Variants in ZNF804B observed in about 807,000 individuals in gnomAD.
The protein encoded by ZNF804B is zinc finger 804B.
In ZNF804B, 80 loss-of-function variants were observed where a neutral mutation model predicts 101.4. That is an observed-to-expected ratio of 0.79 (90% CI 0.66 to 0.95). ZNF804B has a LOEUF of 0.95. Among genes scored for constraint, ZNF804B ranks in the 40% least tolerant of loss-of-function variants. The pLI, the probability that ZNF804B is intolerant of heterozygous loss-of-function variation, is 0.00. For synonymous variants in ZNF804B, 622 were observed against 558.8 expected, an observed-to-expected ratio of 1.11 and a Z score of -1.59; for missense variants, 1,673 against 1,561.9, an observed-to-expected ratio of 1.07 and a Z score of -1.20.
chr7:89,168,914 G>A (rs1791184999), intron 1 of ZNF804B, among the ~76,000 whole-genome samples: 1 of 152,066 alleles, frequency 6.6e-6, no homozygotes, highest in Non-Finnish European at 1.5e-5. Context: ...ATGGCAGGAA[G>A]CCTTTTGTTC....
chr7:88,859,681 A>G (rs1312735396), intron 1 of ZNF804B, among the ~76,000 whole-genome samples: 1 of 152,012 alleles, frequency 6.6e-6, no homozygotes, highest in African/African-American at 2.4e-5. Flanking sequence ...AATGCTTTCC[A>G]TAGCAATTAT....
intron 1 of ZNF804B, among the ~76,000 whole-genome samples, chr7:89,044,296 C>T (rs1184475332): frequency 6.6e-6 from 1 of 152,062 alleles, no homozygotes. Flanking sequence ...CTGAGGCCTT[C>T]CCAGCCCTGT....
intron 2 of ZNF804B, among the ~76,000 whole-genome samples, chr7:89,252,161 A>G (rs1255464478): frequency 6.6e-6 from 1 of 152,178 alleles, no homozygotes; most frequent in South Asian, 2.1e-4. Flanking sequence ...TGTGCATCCA[A>G]CAAAGGTCTA....
chr7:88,902,868 G>A (rs1252326953), intron 1 of ZNF804B, among the ~76,000 whole-genome samples: 2 of 152,012 alleles, frequency 1.3e-5, no homozygotes, highest in African/African-American at 2.4e-5. Flanking sequence ...CTATTTTTCA[G>A]CACAAATAAA....
chr7:88,875,892 A>G (rs1040133004), intron 1 of ZNF804B, among the ~76,000 whole-genome samples: 5 of 152,218 alleles, frequency 3.3e-5, no homozygotes, highest in African/African-American at 1.2e-4. Flanking sequence ...CTTGATGAAC[A>G]TTGATGCAAA....
intron 1 of ZNF804B, among the ~76,000 whole-genome samples, chr7:89,090,866 A>G (rs965456564): frequency 2.6e-5 from 4 of 152,156 alleles, no homozygotes; most frequent in African/African-American, 9.6e-5. Context: ...AACTGAAAAT[A>G]TTTAAAAAGC....
At chr7:88,873,686 A>G (rs1238316684) in intron 1 of ZNF804B, among the ~76,000 whole-genome samples, 2 of 152,160 alleles carry the variant, frequency 1.3e-5, no homozygotes, top group Non-Finnish European at 2.9e-5. Context: ...CTTTCTACAT[A>G]TGGCGAGCCA....
chr7:89,189,641 AG>A (rs1236827346), intron 1 of ZNF804B, among the ~76,000 whole-genome samples: 1 of 152,174 alleles, frequency 6.6e-6, no homozygotes, highest in Non-Finnish European at 1.5e-5. Flanking sequence ...TGGCATTCTT[AG>A]GTTAATTTAC....
rs544443412 is a variant in ZNF804B at position 88,943,953 on chromosome 7, T to C, written c.108+183869T>C. ...GTATGTATCAGTTCCTTTTTATAAC[T>C]GAATAGTATTGCAATGCGTGGCTGT... On this transcript the variant is annotated intron_variant, in intron 1 of 3. Transcript: ENST00000333190. Among the ~76,000 whole-genome samples, 6 of 152,022 alleles carry C rather than the reference T, an allele frequency of 3.9e-5. No homozygotes were observed. In the South Asian group the frequency reaches 1.2e-3, roughly 31 times the overall value.
intron 1 of ZNF804B, among the ~76,000 whole-genome samples, chr7:88,805,818 T>A (rs560023467): frequency 6.6e-6 from 1 of 152,280 alleles, no homozygotes; most frequent in South Asian, 2.1e-4. Flanking sequence ...TTTGTCTCAA[T>A]GACAAGTACC....
intron 1 of ZNF804B, among the ~76,000 whole-genome samples, chr7:89,157,267 ATTAACACATCCTAT>A (rs1487344396): frequency 6.6e-6 from 1 of 152,220 alleles, no homozygotes; most frequent in Non-Finnish European, 1.5e-5. Flanking sequence ...ATATAAATTA[ATTAACACATCCTAT>A]TTAACAAAAG....
chr7:88,778,987 A>C (rs1180013622), intron 1 of ZNF804B, among the ~76,000 whole-genome samples: 2 of 152,194 alleles, frequency 1.3e-5, no homozygotes, highest in African/African-American at 4.8e-5. Flanking sequence ...ATTTCTGAAT[A>C]TTCTAAAGAG....
At chr7:89,198,424 T>C (rs1014731462) in intron 1 of ZNF804B, among the ~76,000 whole-genome samples, 2 of 151,956 alleles carry the variant, frequency 1.3e-5, no homozygotes, top group Non-Finnish European at 2.9e-5. Context: ...TAATAGCGTT[T>C]GTAAGACTAC....
intron 1 of ZNF804B, among the ~76,000 whole-genome samples, chr7:89,105,044 T>A (rs1790115232): frequency 6.6e-6 from 1 of 152,124 alleles, no homozygotes; most frequent in South Asian, 2.1e-4. Flanking sequence ...ATGGAACAAT[T>A]CGCTTAAACT....
intron 1 of ZNF804B, among the ~76,000 whole-genome samples, chr7:89,029,687 T>G (rs550413559): frequency 1.3e-5 from 2 of 152,190 alleles, no homozygotes; most frequent in African/African-American, 2.4e-5. Context: ...GTCATTCTTA[T>G]GGTCATCAGA....
intron 1 of ZNF804B, among the ~76,000 whole-genome samples, chr7:88,879,596 C>T (rs1265222688): frequency 6.6e-6 from 1 of 152,068 alleles, no homozygotes; most frequent in Non-Finnish European, 1.5e-5. Context: ...GGAATTGAAG[C>T]CCCATGCATA....
intron 1 of ZNF804B, among the ~76,000 whole-genome samples, chr7:88,988,426 CA>C (rs1172679985): frequency 1.3e-5 from 2 of 152,160 alleles, no homozygotes; most frequent in East Asian, 3.9e-4. Context: ...GACACTTGAT[CA>C]GTTGATATAT....
chr7:89,108,311 G>C lies in ZNF804B; in HGVS notation c.109-109844G>C, dbSNP rs968262410. Among the ~76,000 whole-genome samples the C allele has an allele frequency of 7.9e-5, 12 of 151,770 alleles. No individual in the cohort carries two copies. In the South Asian group the frequency reaches 2.3e-3, roughly 29 times the overall value. ...GAAAGTACACGGAGGGAAGAACATA[G>C]GCTTGGAGGCTGATTCTTCTGGGTA... On this transcript the variant is annotated intron_variant, in intron 1 of 3. Coordinates refer to ENST00000333190, the MANE Select transcript of ZNF804B (RefSeq NM_181646.5).
intron 1 of ZNF804B, among the ~76,000 whole-genome samples, chr7:89,045,604 G>A (rs1458434271): frequency 6.6e-6 from 1 of 152,210 alleles, no homozygotes; most frequent in Non-Finnish European, 1.5e-5. Flanking sequence ...TGGAGTCCAA[G>A]GAGATCATTT....
Sources: allele counts gnomAD v4.1 joint callset (sites outside exome capture counted in the v4.1 genomes callset), GRCh38; gene constraint gnomAD v4.1.1; transcripts MANE v1.5; gene names NCBI Gene and HGNC (gene_info 2026-07-23, HGNC 2026-07-21).